The following SPTLC1 variants were observed in gnomAD, a reference collection of about 807,000 sequenced individuals.
SPTLC1 encodes the protein serine palmitoyltransferase 1.
SPTLC1 carries 55 observed loss-of-function variants against 68.9 expected under a neutral mutation model. That is an observed-to-expected ratio of 0.80 (90% confidence interval 0.64 to 1.00). The LOEUF (loss-of-function observed/expected upper bound fraction) is 1.00. SPTLC1 is among the 50% of genes least tolerant of loss of function. The pLI is 0.00. For synonymous variants in SPTLC1, 197 were observed against 201.6 expected (o/e 0.98, Z 0.19); for missense variants, 449 against 573.1 (o/e 0.78, Z 2.21).
chr9:92,039,930 G>C (rs1167045837), intron 12 of SPTLC1, among the ~76,000 whole-genome samples: 2 of 152,150 alleles, frequency 1.3e-5, no homozygotes, highest in East Asian at 3.8e-4. Context: ...TGGAATGTGG[G>C]GGAACCTTCT....
chr9:92,071,223 C>A (rs138376533), intron 5 of SPTLC1, among the ~76,000 whole-genome samples: 1 of 133,206 alleles, frequency 7.5e-6, no homozygotes, highest in African/African-American at 2.8e-5. Flanking sequence ...AACCCTATCT[C>A]TACTAAAAAA....
intron 1 of SPTLC1, among the ~76,000 whole-genome samples, chr9:92,114,192 T>C (rs912867397): frequency 1.3e-5 from 2 of 151,244 alleles, no homozygotes; most frequent in Admixed American, 1.3e-4. Context: ...ATCGCTTGAG[T>C]CTGGGAGGTC....
At chr9:92,037,225 CG>C (rs1341195296) in intron 13 of SPTLC1, among the ~76,000 whole-genome samples, 2 of 152,104 alleles carry the variant, frequency 1.3e-5, no homozygotes, top group Admixed American at 6.6e-5. Flanking sequence ...GCTGTCTAGG[CG>C]GATGAGGCTC....
chr9:92,099,268 G>C (rs1429713736), intron 3 of SPTLC1, among the ~76,000 whole-genome samples: 1 of 152,194 alleles, frequency 6.6e-6, no homozygotes, highest in Non-Finnish European at 1.5e-5. Context: ...CTTGCTGGAG[G>C]AAGAGTACCT....
At chr9:92,079,792 C>A in intron 5 of SPTLC1, 1 of 649,962 alleles carries the variant, frequency 1.5e-6, no homozygotes, top group East Asian at 2.7e-5. Context: ...CACACATGCA[C>A]ACGAGGATGA....
intron 5 of SPTLC1, 89 bp downstream of exon 5, chr9:92,079,927 A>G (rs1834819335): frequency 1.8e-6 from 2 of 1,106,410 alleles, no homozygotes; most frequent in East Asian, 2.4e-5. Context: ...AAGTGCTGGG[A>G]GTACAGGTGT....
At chr9:92,064,982 T>TGAA (rs1255875372) in intron 6 of SPTLC1, among the ~76,000 whole-genome samples, 2 of 152,210 alleles carry the variant, frequency 1.3e-5, no homozygotes, top group Non-Finnish European at 2.9e-5. Flanking sequence ...TGTGGCAACA[T>TGAA]GAAGGATCCC....
rs570236669 is a variant in SPTLC1, at chr9:92,044,450, G to A, written c.1136+1549C>T. Among the ~76,000 whole-genome samples, 8 of 152,318 alleles carry A rather than the reference G, an allele frequency of 5.3e-5. No individual in the cohort carries two copies. In the South Asian group the frequency reaches 1.7e-3, roughly 32 times the overall value. ...GATGGTCCACTGGATTCAGCAGTCA[G>A]TGGAGACCTCCACAAAAACAGTCCA... On this transcript the variant is annotated intron_variant, in intron 12 of 14. Coordinates refer to ENST00000262554, the MANE Select transcript of SPTLC1 (RefSeq NM_006415.4).
chr9:92,043,582 G>A (rs886428417), intron 12 of SPTLC1, among the ~76,000 whole-genome samples: 4 of 152,070 alleles, frequency 2.6e-5, no homozygotes, highest in Admixed American at 2.6e-4. Context: ...GCTCTACCTG[G>A]AGTCTTCTCT....
rs75289347 is a variant in SPTLC1, at chr9:92,067,314, A to C, written c.560+652T>G. On this transcript the variant is annotated intron_variant, in intron 6 of 14. Coordinates refer to ENST00000262554, the MANE Select transcript of SPTLC1 (RefSeq NM_006415.4). ...ACTCCATCTCACACACAAAAAAAAA[A>C]AAAACAGAGAAGAGGAAATTAAAGT... Among the ~76,000 whole-genome samples, 65 of 151,776 alleles carry C rather than the reference A, an allele frequency of 4.3e-4. No individual in the cohort carries two copies. In the East Asian group the frequency reaches 0.012, roughly 27 times the overall value.
chr9:92,105,317 G>C, intron 3 of SPTLC1: 1 of 1,529,710 alleles, frequency 6.5e-7, no homozygotes, highest in Non-Finnish European at 8.8e-7. Context: ...CCAAAGAGAA[G>C]GACGCCTCCA....
At chr9:92,084,080 T>A (rs1431308203) in intron 3 of SPTLC1, among the ~76,000 whole-genome samples, 1 of 151,638 alleles carries the variant, frequency 6.6e-6, no homozygotes, top group Admixed American at 6.6e-5. Flanking sequence ...GTGATTTTTG[T>A]ACATTGATTT....
At chr9:92,068,941 T>C (rs972275765) in intron 5 of SPTLC1, among the ~76,000 whole-genome samples, 2 of 152,140 alleles carry the variant, frequency 1.3e-5, no homozygotes, top group Non-Finnish European at 2.9e-5. Context: ...TTTAAAAAAT[T>C]CCCTTAGCTC....
chr9:92,070,070 T>C (rs1834426703), intron 5 of SPTLC1: 1 of 152,212 alleles, frequency 6.6e-6, no homozygotes, highest in Non-Finnish European at 1.5e-5. Flanking sequence ...ACTGTTTATA[T>C]ACAGTTGCCA....
chr9:92,104,961 A>G, intron 3 of SPTLC1: 1 of 1,533,508 alleles, frequency 6.5e-7, no homozygotes. Flanking sequence ...CCCTTTGGGA[A>G]GCCTGACCCA....
intron 6 of SPTLC1, among the ~76,000 whole-genome samples, chr9:92,065,683 C>T (rs1207067220): frequency 6.6e-6 from 1 of 152,194 alleles, no homozygotes; most frequent in Non-Finnish European, 1.5e-5. Flanking sequence ...TTACTAAAAA[C>T]CTAGAAACAC....
chr9:92,046,107 C>T (rs915930690), intron 11 of SPTLC1, 54 bp from the exon 12 acceptor site: 3 of 1,439,640 alleles, frequency 2.1e-6, no homozygotes, highest in South Asian at 1.2e-5. Context: ...ATAGTACTAA[C>T]CTAAAAATAT....
At chr9:92,070,057 G>C (rs548033243) in intron 5 of SPTLC1, 6 of 152,138 alleles carry the variant, frequency 3.9e-5, no homozygotes, top group Admixed American at 2.6e-4. Context: ...AGGTATACTC[G>C]TAACTGTTTA....
intron 3 of SPTLC1, among the ~76,000 whole-genome samples, chr9:92,083,418 T>G (rs1834973843): frequency 6.6e-6 from 1 of 150,986 alleles, no homozygotes; most frequent in South Asian, 2.1e-4. Context: ...AATTTTTGTA[T>G]AAGGTGTAAG....
Sources: allele counts gnomAD v4.1 joint callset (sites outside exome capture counted in the v4.1 genomes callset), GRCh38; gene constraint gnomAD v4.1.1; transcripts MANE v1.5; gene names NCBI Gene and HGNC (gene_info 2026-07-23, HGNC 2026-07-21).